MYLK: variants seen among roughly 807,000 people sequenced by gnomAD.
MYLK encodes myosin light chain kinase.
Under a neutral mutation model 203.4 loss-of-function variants are expected in MYLK, and 106 were observed. That is an observed-to-expected ratio of 0.52 (90% CI 0.45 to 0.61). The LOEUF (loss-of-function observed/expected upper bound fraction) is 0.61, where lower values mean the gene tolerates loss of function less well. Ranked by LOEUF, MYLK falls within the 20% of genes least tolerant of loss-of-function variation. The pLI is 0.00. For synonymous variants in MYLK, 867 were observed against 959.5 expected, an observed-to-expected ratio of 0.90 and a Z score of 1.78; for missense variants, 2,072 against 2,442.3, an observed-to-expected ratio of 0.85 and a Z score of 3.20.
chr3:123,841,677 A>G (rs879675899), intron 2 of MYLK, among the ~76,000 whole-genome samples: 5 of 152,102 alleles, frequency 3.3e-5, no homozygotes, highest in Non-Finnish European at 7.4e-5. Flanking sequence ...TCAATGAGTC[A>G]TCAACATCTC....
intron 3 of MYLK, among the ~76,000 whole-genome samples, chr3:123,819,307 G>C (rs575658104): frequency 1.8e-4 from 28 of 152,186 alleles, no homozygotes; most frequent in Non-Finnish European, 3.2e-4. Flanking sequence ...TCATTACAGA[G>C]CTCTCAAGTT....
chr3:123,743,062 C>T (rs2062907566), intron 5 of MYLK, among the ~76,000 whole-genome samples: 1 of 152,124 alleles, frequency 6.6e-6, no homozygotes. Context: ...GGCTGCACAA[C>T]ACTGTGAATG....
At chr3:123,680,714 G>A (rs896717241) in intron 20 of MYLK, among the ~76,000 whole-genome samples, 1 of 152,198 alleles carries the variant, frequency 6.6e-6, no homozygotes, top group Admixed American at 6.5e-5. Context: ...AGGAAGGTAA[G>A]AATAAAATAA....
chr3:123,785,572 T>C (rs1053515318), intron 4 of MYLK, among the ~76,000 whole-genome samples: 4 of 152,276 alleles, frequency 2.6e-5, no homozygotes, highest in Non-Finnish European at 4.4e-5. Context: ...GAGAATTCAC[T>C]TAATTCTCAA....
rs148834754 is a variant in MYLK at position 123,760,430 on chromosome 3, G to A, written c.166-7892C>T. On this transcript the variant is annotated intron_variant, in intron 4 of 33. Transcript: ENST00000360304. ...CGACCTAAGGTGATCCATCTGCCTC[G>A]GCCTCCCAAAGTGCTGGGATTACAG... Among the ~76,000 whole-genome samples, 547 of 151,956 alleles carry A rather than the reference G, an allele frequency of 3.6e-3. 4 individuals carry two copies. The highest frequency in any genetic ancestry group is 0.012 in the African/African-American group (499 of 41,416).
At chr3:123,816,889 G>A (rs1389039943) in intron 3 of MYLK, among the ~76,000 whole-genome samples, 1 of 152,226 alleles carries the variant, frequency 6.6e-6, no homozygotes, top group East Asian at 1.9e-4. Context: ...GAAGTCTGAA[G>A]GAGGGTGCAG....
intron 3 of MYLK, among the ~76,000 whole-genome samples, chr3:123,800,956 T>A (rs1260172067): frequency 1.3e-5 from 2 of 152,206 alleles, no homozygotes; most frequent in African/African-American, 2.4e-5. Context: ...AAATTAAAAC[T>A]GGGAAATATT....
At chr3:123,690,308 G>A (rs771173576) in intron 19 of MYLK, among the ~76,000 whole-genome samples, 7 of 152,208 alleles carry the variant, frequency 4.6e-5, no homozygotes, top group South Asian at 4.1e-4. Context: ...GTTCTTCAAC[G>A]TATTCTGATT....
At chr3:123,690,973 A>C (rs1197511057) in intron 19 of MYLK, among the ~76,000 whole-genome samples, 6 of 152,240 alleles carry the variant, frequency 3.9e-5, no homozygotes, top group African/African-American at 1.2e-4. Flanking sequence ...CCTTAAAAAA[A>C]AAATCCCCAA....
At chr3:123,715,800 T>G (rs2061871515) in intron 13 of MYLK, 1 of 152,168 alleles carries the variant, frequency 6.6e-6, no homozygotes, top group South Asian at 2.1e-4. Flanking sequence ...GTTGTTTTAG[T>G]AGGAAAAACA....
At chr3:123,761,071 T>C (rs1188111905) in intron 4 of MYLK, among the ~76,000 whole-genome samples, 3 of 152,222 alleles carry the variant, frequency 2.0e-5, no homozygotes, top group African/African-American at 7.2e-5. Flanking sequence ...TAGCCAGTCA[T>C]GATTGGACCT....
intron 4 of MYLK, among the ~76,000 whole-genome samples, chr3:123,760,559 T>A (rs1032409750): frequency 6.6e-6 from 1 of 152,210 alleles, no homozygotes; most frequent in South Asian, 2.1e-4. Flanking sequence ...CCTCTCTTCT[T>A]TTCTTCAAAG....
Position 123,843,454 on chromosome 3 carries a change from T to C in MYLK, c.-126-11784A>G, listed in dbSNP as rs530716857. ...TAGGGAGCAGGACAAGGAGACTATA[T>C]ATGTAGCTTGCTTCAAACAGATTCA... On this transcript the variant is annotated intron_variant, in intron 2 of 33. Transcript: ENST00000360304. Among the ~76,000 whole-genome samples the C allele has an allele frequency of 1.2e-4, 19 of 152,222 alleles. No individual in the cohort carries two copies. The South Asian group carries it at 1.5e-3, about 12-fold the overall frequency.
chr3:123,860,859 A>G (rs4383452), intron 2 of MYLK, among the ~76,000 whole-genome samples: 130,196 of 152,182 alleles, frequency 0.86, 56,083 homozygotes, highest in East Asian at 0.96. Context: ...GGCCGGGCAC[A>G]GTGGCTTACA....
At chr3:123,824,456 T>G (rs902875989) in intron 3 of MYLK, among the ~76,000 whole-genome samples, 1 of 152,186 alleles carries the variant, frequency 6.6e-6, no homozygotes, top group Non-Finnish European at 1.5e-5. Context: ...GAAAATTACG[T>G]GAGAGCAGGG....
At chr3:123,853,025 A>G (rs2030997946) in intron 2 of MYLK, among the ~76,000 whole-genome samples, 1 of 152,094 alleles carries the variant, frequency 6.6e-6, no homozygotes, top group Non-Finnish European at 1.5e-5. Flanking sequence ...CCTCTGAAGG[A>G]TTTAAGAAAG....
rs1219958877 is a variant in MYLK, at chr3:123,640,656, G to A, written c.4620-152C>T. ...GGCAATTCCTGAATCCCCACCCTCC[G>A]ACATGGGAGAAGGGTCAGGGCCTCC... On this transcript the variant is annotated intron_variant, in intron 27 of 33. Coordinates refer to ENST00000360304, the MANE Select transcript of MYLK (RefSeq NM_053025.4). The surrounding 1 kb of genome is among the most constrained non-coding windows in gnomAD (Gnocchi z 4.3). The A allele has an allele frequency of 4.9e-6, 4 of 808,930 alleles. No individual in the cohort carries two copies. Among genetic ancestry groups the A allele is most frequent in the East Asian group, 2.7e-5 (1 of 37,558 alleles). The allele number at this position is 808,930 out of a possible 1,614,324, so 50.1% of individuals were successfully genotyped here.
intron 5 of MYLK, among the ~76,000 whole-genome samples, chr3:123,743,488 G>A (rs2062922050): frequency 1.3e-5 from 2 of 152,118 alleles, no homozygotes; most frequent in African/African-American, 2.4e-5. Flanking sequence ...TGTTAGATAA[G>A]GCAAAATTAA....
chr3:123,878,887 A>G (rs1481550940), intron 1 of MYLK, among the ~76,000 whole-genome samples: 1 of 152,186 alleles, frequency 6.6e-6, no homozygotes, highest in Non-Finnish European at 1.5e-5. Flanking sequence ...GGGTTTCACC[A>G]CGTTGGTCAG....
Sources: gnomAD v4.1 joint callset for allele counts (sites outside exome capture counted in the v4.1 genomes callset) on GRCh38, gnomAD v4.1.1 for gene constraint, Gnocchi (gnomAD v3.1) non-coding constraint, MANE v1.5 for transcripts, NCBI Gene and HGNC (gene_info 2026-07-23, HGNC 2026-07-21) for gene names.